The following TXNL4B variants were observed in gnomAD, a reference collection of about 807,000 sequenced individuals.
The protein encoded by TXNL4B is thioredoxin-like protein 4B.
TXNL4B carries 12 observed loss-of-function variants against 13.0 expected under a neutral mutation model. That is an observed-to-expected ratio of 0.92 (90% CI 0.59 to 1.49). The LOEUF is 1.49. Ranked by LOEUF, TXNL4B falls within the 40% of genes most tolerant of loss-of-function variation. TXNL4B has a pLI of 0.00. For missense variants in TXNL4B, 214 were observed against 173.6 expected (o/e 1.23, Z -1.31); for synonymous variants, 59 against 58.9 (o/e 1.00, Z -0.01).
At chr16:72,091,613 T>C (rs1170093588) in intron 1 of TXNL4B, among the ~76,000 whole-genome samples, 4 of 152,248 alleles carry the variant, frequency 2.6e-5, no homozygotes, top group Non-Finnish European at 5.9e-5. Context: ...AGAACATCCA[T>C]ATTCTCTGTC....
intron 2 of TXNL4B, among the ~76,000 whole-genome samples, 192 bp from the exon 3 acceptor site, chr16:72,089,330 A>G (rs2041868449): frequency 6.6e-6 from 1 of 152,196 alleles, no homozygotes; most frequent in African/African-American, 2.4e-5. Context: ...CGGGGTTAGG[A>G]GGGAATCTTG....
At position 72,093,501 on chromosome 16, in the gene TXNL4B, G is replaced by A. The variant is rs907097167; in HGVS notation, c.-172C>T. On this transcript the variant is annotated 5_prime_UTR_variant, in exon 1 of 4. Transcript: ENST00000268483. ...GACCCTAAGACCAAGTCACCCAGGG[G>A]CTGTTGCCTAGCAACCCTCGTGGCC... 1 of 152,284 alleles carries A rather than the reference G, an allele frequency of 6.6e-6. No individual in the cohort carries two copies. The highest frequency in any genetic ancestry group is 1.9e-4 in the East Asian group (1 of 5,194). The allele number at this position is 152,284 out of a possible 1,614,324, so 9.4% of individuals were successfully genotyped here. A position where few individuals can be genotyped will look rare whatever the true frequency, so the allele number is the denominator to read the frequency against.
chr16:72,085,454 C>A lies in TXNL4B; in HGVS notation c.*1183G>T. 6.3e-6 allele frequency: 1 copy of A among 159,208 alleles called. No homozygotes were observed. The highest frequency in any genetic ancestry group is 1.4e-5 in the Non-Finnish European group (1 of 72,924). The allele number at this position is 159,208 out of a possible 1,614,324, so 9.9% of individuals were successfully genotyped here. On this transcript the variant is annotated 3_prime_UTR_variant, in exon 4 of 4. Transcript: ENST00000268483. ...AACTTGCCCACGGTTGCGCCAGGCA[C>A]CCCTAGAAGAGCAAGAATTCCTTAC...
At chr16:72,091,418 G>C (rs1462088564) in intron 1 of TXNL4B, among the ~76,000 whole-genome samples, 2 of 152,192 alleles carry the variant, frequency 1.3e-5, no homozygotes, top group Non-Finnish European at 2.9e-5. Flanking sequence ...ACTCCAACTG[G>C]AACCAGAGGG....
chr16:72,090,337 A>G (rs1225712930), intron 2 of TXNL4B, among the ~76,000 whole-genome samples: 1 of 152,136 alleles, frequency 6.6e-6, no homozygotes, highest in Non-Finnish European at 1.5e-5. Context: ...CACTGAAAAG[A>G]TAGTGTTCAC....
chr16:72,088,421 T>C (rs780667511), intron 3 of TXNL4B, among the ~76,000 whole-genome samples: 1 of 152,236 alleles, frequency 6.6e-6, no homozygotes, highest in Non-Finnish European at 1.5e-5. Flanking sequence ...GGTAATTGGA[T>C]GGAGTGGAAG....
In TXNL4B at chr16:72,085,439, C is replaced by A; in HGVS notation, c.*1198G>T. ...TTAAAGAGGAGCAGTAACTTGCCCA[C>A]GGTTGCGCCAGGCACCCCTAGAAGA... On this transcript the variant is annotated 3_prime_UTR_variant, in exon 4 of 4. Coordinates refer to ENST00000268483, the MANE Select transcript of TXNL4B (RefSeq NM_017853.3). 6.2e-6 allele frequency: 1 copy of A among 162,206 alleles called. No homozygotes were observed. 10.0% of individuals were successfully genotyped at this position (162,206 alleles called of 1,614,324 possible).
In TXNL4B at chr16:72,086,485, T is replaced by G; in HGVS notation, c.*152A>C. 1 of 612,440 alleles carries G rather than the reference T, an allele frequency of 1.6e-6. No homozygotes were observed. The highest frequency in any genetic ancestry group is 2.7e-6 in the Non-Finnish European group (1 of 376,238). The allele number at this position is 612,440 out of a possible 1,614,324, so 37.9% of individuals were successfully genotyped here. A position where few individuals can be genotyped will look rare whatever the true frequency, so the allele number is the denominator to read the frequency against. ...AGGTCATCAGAGAACCAGTGGGGTC[T>G]TTTCCTCAGGGGCCGGGTTTTCTAC... On this transcript the variant is annotated 3_prime_UTR_variant, in exon 4 of 4. Transcript: ENST00000268483.
intron 1 of TXNL4B, among the ~76,000 whole-genome samples, chr16:72,091,141 C>G (rs535066466): frequency 6.6e-6 from 1 of 152,292 alleles, no homozygotes; most frequent in South Asian, 2.1e-4. Flanking sequence ...ATGACACTCT[C>G]AACTTTGGTA....
chr16:72,087,573 G>GC (rs1216146732), intron 3 of TXNL4B: 1 of 152,032 alleles, frequency 6.6e-6, no homozygotes, highest in Non-Finnish European at 1.5e-5. Context: ...TGTTGAACTG[G>GC]CCCCCATAAA....
rs2041830204 is a variant in TXNL4B at position 72,086,811 on chromosome 16, C to T, written c.285-9G>A. On this transcript the variant is annotated splice_polypyrimidine_tract_variant and intron_variant, in intron 3 of 3. Coordinates refer to ENST00000268483, the MANE Select transcript of TXNL4B (RefSeq NM_017853.3). Reference sequence around the variant, plus strand: ...TAGTGTGATCTGGAGATCTAGACAGCATAGAAGAGAAACAACTGCTCTAAG... The same window carrying T: ...TAGTGTGATCTGGAGATCTAGACAGTATAGAAGAGAAACAACTGCTCTAAG... 55 of 1,557,342 alleles carry T rather than the reference C, an allele frequency of 3.5e-5. No individual in the cohort carries two copies. The highest frequency in any genetic ancestry group is 4.4e-5 in the Non-Finnish European group (50 of 1,141,546).
In TXNL4B at chr16:72,086,224, C is replaced by G. The variant is rs2041821519; in HGVS notation, c.*413G>C. 1.2e-5 allele frequency: 2 copies of G among 160,370 alleles called. No individual in the cohort carries two copies. Among genetic ancestry groups the G allele is most frequent in the Admixed American group, 1.2e-4 (2 of 16,618 alleles). 9.9% of individuals were successfully genotyped at this position (160,370 alleles called of 1,614,324 possible). ...GTGTGTGTGTGCACACACATGCACC[C>G]AGCTAGGGTAGAAAATAAGTACTTT... On this transcript the variant is annotated 3_prime_UTR_variant, in exon 4 of 4. Transcript: ENST00000268483.
rs1372663530 is a variant in TXNL4B, at chr16:72,085,321, C to CT, written c.*1315dup. ...CTGTTGGAGAGGTGGTCAGCGGCTGCTAGGCAGGTCACAAGCTGCCTCACC... is the reference window on the plus strand; with the variant it reads ...CTGTTGGAGAGGTGGTCAGCGGCTGCTTAGGCAGGTCACAAGCTGCCTCACC... On this transcript the variant is annotated 3_prime_UTR_variant, in exon 4 of 4. Transcript: ENST00000268483. 4.4e-5 allele frequency: 12 copies of CT among 274,260 alleles called. No individual in the cohort carries two copies. The highest frequency in any genetic ancestry group is 1.4e-5 in the Non-Finnish European group (2 of 148,106). The allele number at this position is 274,260 out of a possible 1,614,324, so 17.0% of individuals were successfully genotyped here. A position where few individuals can be genotyped will look rare whatever the true frequency, so the allele number is the denominator to read the frequency against.
At chr16:72,087,532 G>A (rs966902116) in intron 3 of TXNL4B, 3 of 152,220 alleles carry the variant, frequency 2.0e-5, no homozygotes, top group Admixed American at 6.5e-5. Flanking sequence ...GGGTTAAAAA[G>A]TTTAAAAACT....
In TXNL4B at chr16:72,085,062, G is replaced by A. The variant is rs1335140778; in HGVS notation, c.*1575C>T. 4 of 398,432 alleles carry A rather than the reference G, an allele frequency of 1.0e-5. No homozygotes were observed. The highest frequency in any genetic ancestry group is 2.1e-5 in the African/African-American group (1 of 48,594). The allele number at this position is 398,432 out of a possible 1,614,324, so 24.7% of individuals were successfully genotyped here. On this transcript the variant is annotated 3_prime_UTR_variant, in exon 4 of 4. Transcript: ENST00000268483. ...ATTAAACCAGAGACAGGAAGTGTAC[G>A]ATGGAAGAGGCCAGAGGTGATGGCC... is the stretch of plus-strand genomic sequence containing the variant.
intron 2 of TXNL4B, 128 bp from the exon 3 acceptor site, chr16:72,089,266 G>T: frequency 1.4e-6 from 1 of 714,478 alleles, no homozygotes; most frequent in Non-Finnish European, 2.3e-6. Flanking sequence ...AGCCCATGTG[G>T]CTCCCACATT....
chr16:72,088,520 C>T (rs986624358), intron 3 of TXNL4B, among the ~76,000 whole-genome samples: 6 of 152,176 alleles, frequency 3.9e-5, no homozygotes, highest in African/African-American at 1.4e-4. Context: ...GGAAACTTTG[C>T]AAGAGAGAAG....
chr16:72,087,526 T>A (rs571046715), intron 3 of TXNL4B: 1 of 152,344 alleles, frequency 6.6e-6, no homozygotes, highest in Non-Finnish European at 1.5e-5. Flanking sequence ...ATTACTGGGT[T>A]AAAAAGTTTA....
chr16:72,090,605 G>C lies in TXNL4B; in HGVS notation c.132+13C>G. ...TTATTAATAAAAACCAATTATTTTA[G>C]ACATTCACTTACAATATCATCTAGC... On this transcript the variant is annotated intron_variant, in intron 2 of 3. Coordinates refer to ENST00000268483, the MANE Select transcript of TXNL4B (RefSeq NM_017853.3). The C allele has an allele frequency of 6.2e-7, 1 of 1,612,860 alleles. No individual in the cohort carries two copies. The highest frequency in any genetic ancestry group is 8.5e-7 in the Non-Finnish European group (1 of 1,179,498).
Sources: gnomAD v4.1 joint callset for allele counts (sites outside exome capture counted in the v4.1 genomes callset) on GRCh38, gnomAD v4.1.1 for gene constraint, MANE v1.5 for transcripts, NCBI Gene and HGNC (gene_info 2026-07-23, HGNC 2026-07-21) for gene names.